NTNG1: variants seen among roughly 807,000 people sequenced by gnomAD.
The protein encoded by NTNG1 is netrin-G1.
In NTNG1, 16 loss-of-function variants were observed where a neutral mutation model predicts 54.0. The ratio of observed to expected loss-of-function variants is 0.30; its 90% CI spans 0.20 to 0.45. The LOEUF (loss-of-function observed/expected upper bound fraction) is 0.45. NTNG1 is among the 20% of genes least tolerant of loss of function. NTNG1 has a pLI of 1.00. For synonymous variants in NTNG1, 255 were observed against 263.1 expected, an observed-to-expected ratio of 0.97 and a Z score of 0.30; for missense variants, 530 against 678.7, an observed-to-expected ratio of 0.78 and a Z score of 2.43.
At chr1:107,270,293 A>G (rs1664056390) in intron 2 of NTNG1, among the ~76,000 whole-genome samples, 1 of 152,238 alleles carries the variant, frequency 6.6e-6, no homozygotes, top group Non-Finnish European at 1.5e-5. Flanking sequence ...TTAGTAAGAT[A>G]TGAAAATCTC....
intron 2 of NTNG1, among the ~76,000 whole-genome samples, chr1:107,220,543 A>G (rs140875698): frequency 2.1e-3 from 313 of 152,350 alleles, no homozygotes; most frequent in African/African-American, 6.8e-3. Flanking sequence ...CATAGAGGTT[A>G]AGAGAATGAT....
At chr1:107,242,115 A>G (rs2101582695) in intron 2 of NTNG1, among the ~76,000 whole-genome samples, 1 of 152,212 alleles carries the variant, frequency 6.6e-6, no homozygotes, top group East Asian at 1.9e-4. Context: ...TCTTTACAAA[A>G]ATACAAGCAT....
chr1:107,399,819 C>A (rs1245193352), intron 4 of NTNG1, among the ~76,000 whole-genome samples: 1 of 152,134 alleles, frequency 6.6e-6, no homozygotes, highest in East Asian at 1.9e-4. Flanking sequence ...GGATGACTTT[C>A]TCTGTCCTCC....
intron 2 of NTNG1, among the ~76,000 whole-genome samples, chr1:107,270,733 G>A (rs977892689): frequency 3.9e-4 from 15 of 38,832 alleles, no homozygotes; most frequent in East Asian, 2.8e-3. Flanking sequence ...CCCCCAACCC[G>A]CCAAAGTGCA....
chr1:107,407,819 G>A (rs1004738277), intron 5 of NTNG1, 111 bp downstream of exon 5: 2 of 950,640 alleles, frequency 2.1e-6, no homozygotes, highest in African/African-American at 1.6e-5. Flanking sequence ...ATGTAATAGG[G>A]TATTTTCTTT....
At chr1:107,289,282 C>T (rs868479896) in intron 2 of NTNG1, among the ~76,000 whole-genome samples, 1 of 152,160 alleles carries the variant, frequency 6.6e-6, no homozygotes, top group Non-Finnish European at 1.5e-5. Context: ...GTTATTACCT[C>T]ATCCCCATGT....
intron 2 of NTNG1, among the ~76,000 whole-genome samples, chr1:107,245,134 A>C (rs903509441): frequency 1.1e-4 from 17 of 152,230 alleles, no homozygotes; most frequent in South Asian, 2.1e-4. Context: ...TGGGGGAGGG[A>C]CAGCGGCAGG....
At chr1:107,339,872 G>A (rs1194032700) in intron 3 of NTNG1, among the ~76,000 whole-genome samples, 1 of 152,042 alleles carries the variant, frequency 6.6e-6, no homozygotes, top group East Asian at 1.9e-4. Flanking sequence ...ATACAAAGAT[G>A]AAAAGCCACA....
At chr1:107,226,040 A>T (rs1334116456) in intron 2 of NTNG1, among the ~76,000 whole-genome samples, 1 of 152,170 alleles carries the variant, frequency 6.6e-6, no homozygotes, top group African/African-American at 2.4e-5. Flanking sequence ...TTATAGACAA[A>T]TAAAATAAGA....
intron 7 of NTNG1, among the ~76,000 whole-genome samples, chr1:107,477,131 A>G (rs931471568): frequency 3.3e-5 from 5 of 152,182 alleles, no homozygotes; most frequent in Non-Finnish European, 7.3e-5. Flanking sequence ...AGGGACCCCC[A>G]CAGAGCTGAA....
chr1:107,232,839 T>C (rs559472188), intron 2 of NTNG1, among the ~76,000 whole-genome samples: 7 of 152,286 alleles, frequency 4.6e-5, no homozygotes, highest in Non-Finnish European at 7.4e-5. Context: ...TTCAGCTGCA[T>C]AGACATTATC....
At chr1:107,379,738 CTAATAATGTAGGTACTGTTAAAATCCAG>C (rs1452900552) in intron 3 of NTNG1, among the ~76,000 whole-genome samples, 5 of 152,060 alleles carry the variant, frequency 3.3e-5, no homozygotes, top group Non-Finnish European at 7.4e-5. Flanking sequence ...TCTTAACAAC[CTAATAATGTAGGTACTGTTAAAATCCAG>C]TTTTACAGAT....
At chr1:107,336,946 A>G (rs979286323) in intron 3 of NTNG1, among the ~76,000 whole-genome samples, 24 of 151,966 alleles carry the variant, frequency 1.6e-4, no homozygotes, top group African/African-American at 5.6e-4. Flanking sequence ...CGTCAGAATG[A>G]TTACTATTCA....
chr1:107,246,493 C>T (rs1354052899), intron 2 of NTNG1, among the ~76,000 whole-genome samples: 1 of 151,432 alleles, frequency 6.6e-6, no homozygotes, highest in Non-Finnish European at 1.5e-5. Context: ...TATATTAATC[C>T]CTGTTTTACA....
intron 2 of NTNG1, among the ~76,000 whole-genome samples, chr1:107,197,393 T>G (rs1301538673): frequency 6.6e-6 from 1 of 152,068 alleles, no homozygotes; most frequent in Non-Finnish European, 1.5e-5. Context: ...TGGAATTTTG[T>G]TCTTTAGAAA....
rs138289254 is a variant in NTNG1, at chr1:107,148,505, A to T, written c.-89A>T. ...TACCTACCCGTACGCATACATACAT[A>T]TGTGTATATATATGTAAACTAGACA... is the stretch of plus-strand genomic sequence containing the variant. On this transcript the variant is annotated 5_prime_UTR_variant, in exon 2 of 8. It removes an upstream start codon present in the reference 5' UTR. Coordinates refer to ENST00000370068, the MANE Select transcript of NTNG1 (RefSeq NM_001113226.3). 16 of 1,267,258 alleles carry T rather than the reference A, an allele frequency of 1.3e-5. No homozygotes were observed. In the East Asian group the frequency reaches 3.7e-4, roughly 29 times the overall value. The allele number at this position is 1,267,258 out of a possible 1,614,324, so 78.5% of individuals were successfully genotyped here.
intron 5 of NTNG1, among the ~76,000 whole-genome samples, chr1:107,426,221 G>A (rs79049383): frequency 0.014 from 2,123 of 151,594 alleles, 24 homozygotes; most frequent in African/African-American, 0.028. Flanking sequence ...TTGTTTTTTC[G>A]GTCTTCATTA....
intron 2 of NTNG1, among the ~76,000 whole-genome samples, chr1:107,260,574 A>G (rs1186626259): frequency 6.6e-6 from 1 of 152,188 alleles, no homozygotes; most frequent in African/African-American, 2.4e-5. Context: ...GCTTTTGGTC[A>G]GGGTCTTCCA....
chr1:107,467,419 T>C (rs2101568930), intron 7 of NTNG1, among the ~76,000 whole-genome samples: 1 of 152,380 alleles, frequency 6.6e-6, no homozygotes, highest in Middle Eastern at 3.4e-3. Context: ...GTCTATCTTT[T>C]ATTGTAGGAC....
Sources: gnomAD v4.1 joint callset for allele counts (sites outside exome capture counted in the v4.1 genomes callset) on GRCh38, gnomAD v4.1.1 for gene constraint, MANE v1.5 for transcripts, NCBI Gene and HGNC (gene_info 2026-07-23, HGNC 2026-07-21) for gene names.